Variants in TEX29 observed in about 807,000 individuals in gnomAD.
The protein encoded by TEX29 is testis-expressed protein 29.
A neutral mutation model predicts 18.2 loss-of-function variants in TEX29; 26 were observed. That is an observed-to-expected ratio of 1.43 (90% confidence interval 1.04 to 1.98). TEX29 has a LOEUF of 1.98. TEX29 is among the 30% of genes most tolerant of loss of function. The probability of loss-of-function intolerance (pLI) is 0.00; values close to 1 mark genes in which losing one functional copy is unlikely to be tolerated. For missense variants in TEX29, 177 were observed against 194.2 expected, an observed-to-expected ratio of 0.91 and a Z score of 0.53; for synonymous variants, 83 against 78.5, an observed-to-expected ratio of 1.06 and a Z score of -0.31.
chr13:111,337,301 A>G (rs571026836), intron 3 of TEX29, among the ~76,000 whole-genome samples: 1 of 152,306 alleles, frequency 6.6e-6, no homozygotes, highest in East Asian at 1.9e-4. Context: ...ATTGTGGTCA[A>G]GATGCCAAGT....
At chr13:111,316,388 C>T (rs1290692380), upstream of TEX29, 28 of 428,102 alleles carry the variant, frequency 6.5e-5, 2 homozygotes, top group South Asian at 4.2e-4. Flanking sequence ...CGCTGTCTGC[C>T]CTGAGGCTGT....
At chr13:111,339,010 C>T (rs1306158121) in intron 3 of TEX29, among the ~76,000 whole-genome samples, 2 of 152,222 alleles carry the variant, frequency 1.3e-5, no homozygotes, top group South Asian at 2.1e-4. Context: ...AGACAGGGCC[C>T]TGCCTGCTGA....
chr13:111,326,207 G>A (rs941045730), intron 2 of TEX29, among the ~76,000 whole-genome samples: 56 of 151,676 alleles, frequency 3.7e-4, no homozygotes, highest in African/African-American at 1.1e-3. Context: ...AGGAGACTGC[G>A]GGCAGTGTGA....
At chr13:111,325,721 G>A (rs913145929) in intron 2 of TEX29, among the ~76,000 whole-genome samples, 23 of 152,230 alleles carry the variant, frequency 1.5e-4, no homozygotes, top group African/African-American at 2.2e-4. Flanking sequence ...ATGGGACACC[G>A]GAGGAGGCGC....
At chr13:111,335,048 G>T (rs2093687699) in intron 3 of TEX29, among the ~76,000 whole-genome samples, 1 of 152,204 alleles carries the variant, frequency 6.6e-6, no homozygotes, top group Non-Finnish European at 1.5e-5. Flanking sequence ...ACAGATTTCT[G>T]CAAGCTTTTG....
chr13:111,324,001 ATGT>A (rs1384545375), intron 2 of TEX29, among the ~76,000 whole-genome samples: 2 of 152,116 alleles, frequency 1.3e-5, no homozygotes, highest in African/African-American at 4.8e-5. Context: ...AGAGATTTTT[ATGT>A]TGTTTATGAC....
intron 2 of TEX29, among the ~76,000 whole-genome samples, chr13:111,321,635 C>A (rs34762891): frequency 0.057 from 8,369 of 145,726 alleles, 330 homozygotes; most frequent in Middle Eastern, 0.14. Context: ...CAAAAAAAAA[C>A]CCAAGAAAAT....
intron 3 of TEX29, among the ~76,000 whole-genome samples, chr13:111,337,039 T>C (rs1485873308): frequency 2.0e-5 from 3 of 152,238 alleles, no homozygotes; most frequent in Non-Finnish European, 4.4e-5. Context: ...AAACATTTCC[T>C]GGAGTTCAAG....
At chr13:111,334,392 C>G (rs2093686748) in intron 3 of TEX29, among the ~76,000 whole-genome samples, 1 of 152,268 alleles carries the variant, frequency 6.6e-6, no homozygotes, top group Non-Finnish European at 1.5e-5. Context: ...GCCTCTCAGA[C>G]TTTGCATAGG....
At chr13:111,343,075 A>G (rs1417725263) in intron 5 of TEX29, 144 bp downstream of exon 5, 1 of 1,026,466 alleles carries the variant, frequency 9.7e-7, no homozygotes, top group East Asian at 2.7e-5. Context: ...CAAAATTGTA[A>G]TGTACCCAAC....
At chr13:111,327,040 C>T (rs2093675163) in intron 2 of TEX29, among the ~76,000 whole-genome samples, 1 of 152,174 alleles carries the variant, frequency 6.6e-6, no homozygotes, top group Non-Finnish European at 1.5e-5. Context: ...CTGCCTGCTG[C>T]TATGGGGCCT....
intron 3 of TEX29, among the ~76,000 whole-genome samples, chr13:111,339,012 G>A (rs768347432): frequency 1.3e-5 from 2 of 152,230 alleles, no homozygotes; most frequent in Non-Finnish European, 2.9e-5. Context: ...ACAGGGCCCT[G>A]CCTGCTGAGC....
chr13:111,327,686 G>A (rs1021131342), intron 2 of TEX29, among the ~76,000 whole-genome samples: 3 of 152,206 alleles, frequency 2.0e-5, no homozygotes, highest in African/African-American at 4.8e-5. Context: ...CCCACGGCGC[G>A]CCGCACACTC....
At chr13:111,317,278 G>T (rs888383058), upstream of TEX29, among the ~76,000 whole-genome samples, 4 of 152,172 alleles carry the variant, frequency 2.6e-5, no homozygotes, top group Non-Finnish European at 5.9e-5. Flanking sequence ...GGCCGTAGGG[G>T]TGAGGGTCTG....
chr13:111,327,657 C>T (rs751849973), intron 2 of TEX29, among the ~76,000 whole-genome samples: 127 of 152,340 alleles, frequency 8.3e-4, no homozygotes, highest in East Asian at 9.7e-4. Flanking sequence ...GAGCTCTCCC[C>T]GCCCTGCTTC....
At chr13:111,339,636 C>G (rs938799116) in intron 3 of TEX29, among the ~76,000 whole-genome samples, 2 of 152,130 alleles carry the variant, frequency 1.3e-5, no homozygotes, top group African/African-American at 4.8e-5. Flanking sequence ...TGACTACCAC[C>G]TGGAGCTGCC....
upstream of TEX29, chr13:111,316,278 T>C: frequency 2.0e-6 from 1 of 489,236 alleles, no homozygotes; most frequent in Non-Finnish European, 4.1e-6. Context: ...GTTGGATGAA[T>C]AAAGGAAATT....
chr13:111,325,004 C>T (rs897788831), intron 2 of TEX29, among the ~76,000 whole-genome samples: 2 of 152,170 alleles, frequency 1.3e-5, no homozygotes, highest in Non-Finnish European at 2.9e-5. Flanking sequence ...CTTCCCTGGG[C>T]TTGCTATCCA....
At position 111,320,724 on chromosome 13, in the gene TEX29, C is replaced by T. The variant is rs2093662552; in HGVS notation, c.-73C>T. 1.7e-5 allele frequency: 13 copies of T among 760,408 alleles called. No individual in the cohort carries two copies. In the South Asian group the frequency reaches 1.9e-4, roughly 11 times the overall value. The allele number at this position is 760,408 out of a possible 1,614,324, so 47.1% of individuals were successfully genotyped here. A position where few individuals can be genotyped will look rare whatever the true frequency, so the allele number is the denominator to read the frequency against. On this transcript the variant is annotated 5_prime_UTR_variant, in exon 1 of 6. Transcript: ENST00000283547. ...CCACGTGGAGTGGGACTGAGAGGCA[C>T]AGGTGGCTGAGGGGACCCGCCTGGG...
Sources: allele counts gnomAD v4.1 joint callset (sites outside exome capture counted in the v4.1 genomes callset), GRCh38; gene constraint gnomAD v4.1.1; transcripts MANE v1.5; gene names NCBI Gene and HGNC (gene_info 2026-07-23, HGNC 2026-07-21).